ATG7: variants seen among roughly 807,000 people sequenced by gnomAD.
ATG7 encodes autophagy related 7, also known as ubiquitin-like modifier-activating enzyme ATG7.
ATG7 carries 70 observed loss-of-function variants against 82.4 expected under a neutral mutation model. The observed-to-expected ratio is 0.85, with a 90% confidence interval of 0.70 to 1.04. ATG7 has a LOEUF of 1.04. Among genes scored for constraint, ATG7 ranks in the 50% least tolerant of loss-of-function variants. ATG7 has a pLI of 0.00. For missense variants in ATG7, 792 were observed against 864.3 expected (o/e 0.92, Z 1.05); for synonymous variants, 287 against 313.0 (o/e 0.92, Z 0.88).
At chr3:11,384,107 C>T (rs1312111970) in intron 19 of ATG7, among the ~76,000 whole-genome samples, 2 of 152,318 alleles carry the variant, frequency 1.3e-5, no homozygotes, top group East Asian at 3.9e-4. Context: ...AGCTAGGCAG[C>T]TTCAGGTGTT....
rs1336132444 is a variant in ATG7 at position 11,557,278 on chromosome 3, T to C, written c.*2435T>C. 1 of 152,800 alleles carries C rather than the reference T, an allele frequency of 6.5e-6. No homozygotes were observed. The highest frequency in any genetic ancestry group is 1.9e-4 in the East Asian group (1 of 5,344). 9.5% of individuals were successfully genotyped at this position (152,800 alleles called of 1,614,324 possible). ...TAATAACAGTATAAAGTCAGAGGAA[T>C]GTATACTGCCTTGGCCCCAGCGTAC... On this transcript the variant is annotated 3_prime_UTR_variant, in exon 21 of 21. Transcript: ENST00000693202.
chr3:11,369,630 G>A (rs910786635), intron 18 of ATG7, among the ~76,000 whole-genome samples: 1 of 151,130 alleles, frequency 6.6e-6, no homozygotes, highest in Non-Finnish European at 1.5e-5. Context: ...GGAAGGATCC[G>A]GGTATAGGTC....
chr3:11,309,449 T>G (rs1012017529), intron 7 of ATG7, among the ~76,000 whole-genome samples: 3 of 103,594 alleles, frequency 2.9e-5, no homozygotes, highest in Non-Finnish European at 6.6e-5. Context: ...AATCGCTTGT[T>G]GATTTTTTTT....
At chr3:11,340,356 C>T (rs1006247258) in intron 11 of ATG7, among the ~76,000 whole-genome samples, 1 of 151,690 alleles carries the variant, frequency 6.6e-6, no homozygotes, top group Non-Finnish European at 1.5e-5. Flanking sequence ...AAAGTTGAGC[C>T]ACCTTGGGCC....
intron 20 of ATG7, among the ~76,000 whole-genome samples, chr3:11,518,823 T>C (rs1158185555): frequency 3.3e-5 from 5 of 152,208 alleles, no homozygotes; most frequent in South Asian, 4.1e-4. Context: ...ATTCTAACAA[T>C]TATTTCTGAA....
At chr3:11,322,744 T>C (rs565198576) in intron 9 of ATG7, among the ~76,000 whole-genome samples, 1 of 152,352 alleles carries the variant, frequency 6.6e-6, no homozygotes, top group East Asian at 1.9e-4. Context: ...TTTCCTCTCC[T>C]TATCCCCTGT....
chr3:11,307,584 C>T (rs1947960861), intron 6 of ATG7, among the ~76,000 whole-genome samples: 2 of 152,232 alleles, frequency 1.3e-5, no homozygotes, highest in South Asian at 4.1e-4. Context: ...CCCTTGCATT[C>T]TCTGAGTCTG....
intron 20 of ATG7, among the ~76,000 whole-genome samples, chr3:11,445,647 A>C (rs1299585052): frequency 6.6e-6 from 1 of 152,168 alleles, no homozygotes; most frequent in Admixed American, 6.5e-5. Flanking sequence ...TTACCTATAT[A>C]ATAAGCCTGC....
chr3:11,364,708 A>G lies in ATG7; in HGVS notation c.1849A>G (p.Thr617Ala), dbSNP rs775478758. ...SSDDRMNEPP[T>A]SLGLVPHQIR... ...TGACGATCGGATGAATGAGCCTCCA[A>G]CCTCTCTTGGGCTTGTGCCTCACCA... Residue 617 changes from threonine (T) to alanine (A), a missense_variant, in exon 18 of 21, where the codon ACC (threonine) becomes GCC (alanine). Transcript: ENST00000693202. The G allele has an allele frequency of 7.4e-6, 12 of 1,613,970 alleles. No homozygotes were observed. The highest frequency in any genetic ancestry group is 1.6e-4 in the Middle Eastern group (1 of 6,084).
At chr3:11,367,692 G>A (rs1036989414) in intron 18 of ATG7, among the ~76,000 whole-genome samples, 1 of 151,530 alleles carries the variant, frequency 6.6e-6, no homozygotes, top group Admixed American at 6.6e-5. Context: ...AATTCTGCCT[G>A]AAGAAACCTC....
At chr3:11,564,015 C>T in the ATG7 span, among the ~76,000 whole-genome samples, 4 of 152,178 alleles carry the variant, frequency 2.6e-5, no homozygotes, top group African/African-American at 9.7e-5. Flanking sequence ...AGCCCGGAGG[C>T]ACCCCCTCGG....
At chr3:11,550,923 G>A (rs991175507) in intron 20 of ATG7, among the ~76,000 whole-genome samples, 1 of 151,310 alleles carries the variant, frequency 6.6e-6, no homozygotes, top group Non-Finnish European at 1.5e-5. Flanking sequence ...GTATTCTTAT[G>A]GTTTCATTTT....
At chr3:11,568,816 C>T in the ATG7 span, 62 of 1,427,206 alleles carry the variant, frequency 4.3e-5, no homozygotes, top group African/African-American at 6.8e-4. The surrounding 1 kb of genome is among the most constrained non-coding windows in gnomAD (Gnocchi z 5.9). Flanking sequence ...GGCATCCCCG[C>T]GAACACCCAA....
intron 20 of ATG7, among the ~76,000 whole-genome samples, chr3:11,445,805 A>C (rs193288210): frequency 6.6e-6 from 1 of 152,178 alleles, no homozygotes; most frequent in Non-Finnish European, 1.5e-5. Flanking sequence ...TCCTTGCCAG[A>C]ATCTTGGTAC....
intron 9 of ATG7, among the ~76,000 whole-genome samples, chr3:11,323,769 T>C (rs368448168): frequency 1.3e-5 from 2 of 152,372 alleles, no homozygotes; most frequent in East Asian, 3.9e-4. Flanking sequence ...CTTCACTTAG[T>C]GATCTCTCCG....
intron 20 of ATG7, among the ~76,000 whole-genome samples, chr3:11,541,107 A>T (rs546812551): frequency 6.6e-6 from 1 of 152,070 alleles, no homozygotes. Context: ...TCACCATGTT[A>T]GCCAGGATGG....
chr3:11,356,519 C>T (rs908920586), intron 14 of ATG7, among the ~76,000 whole-genome samples: 1 of 152,124 alleles, frequency 6.6e-6, no homozygotes, highest in Non-Finnish European at 1.5e-5. Flanking sequence ...TGGGCTCTAA[C>T]GTTAGCTTAC....
intron 20 of ATG7, among the ~76,000 whole-genome samples, chr3:11,522,660 G>A (rs140515587): frequency 1.3e-5 from 2 of 152,248 alleles, no homozygotes; most frequent in African/African-American, 4.8e-5. Flanking sequence ...AAATTCTAGA[G>A]GTCATTTATA....
chr3:11,446,555 C>A, intron 20 of ATG7: 2 of 429,890 alleles, frequency 4.7e-6, no homozygotes, highest in African/African-American at 2.1e-5. Context: ...ACAAAACACA[C>A]ATCCAATGAC....
Sources: allele counts gnomAD v4.1 joint callset (sites outside exome capture counted in the v4.1 genomes callset), GRCh38; gene constraint gnomAD v4.1.1; non-coding constraint Gnocchi (gnomAD v3.1); transcripts MANE v1.5; gene names NCBI Gene and HGNC (gene_info 2026-07-23, HGNC 2026-07-21).